Variants in CDYL2 observed in about 807,000 individuals in gnomAD.
CDYL2 encodes chromodomain Y like 2.
CDYL2 carries 23 observed loss-of-function variants against 49.4 expected under a neutral mutation model. The ratio of observed to expected loss-of-function variants is 0.47; its 90% confidence interval spans 0.34 to 0.66. The LOEUF (loss-of-function observed/expected upper bound fraction) is 0.66. Ranked by LOEUF, CDYL2 falls within the 30% of genes least tolerant of loss-of-function variation. The pLI, the probability that CDYL2 is intolerant of heterozygous loss-of-function variation, is 0.01. For missense variants in CDYL2, 678 were observed against 656.4 expected (o/e 1.03, Z -0.36); for synonymous variants, 360 against 268.8 (o/e 1.34, Z -3.32).
At chr16:80,631,319 T>A (rs1296446572) in intron 3 of CDYL2, among the ~76,000 whole-genome samples, 1 of 152,190 alleles carries the variant, frequency 6.6e-6, no homozygotes, top group Non-Finnish European at 1.5e-5. Flanking sequence ...GTTATCGCCA[T>A]TTACCACTCT....
chr16:80,679,600 A>C (rs1909893918), intron 2 of CDYL2: 1 of 421,028 alleles, frequency 2.4e-6, no homozygotes, highest in Non-Finnish European at 4.8e-6. Context: ...CCAAGGCCTC[A>C]TCTCAGGGAA....
chr16:80,781,865 T>C (rs1453162211), intron 1 of CDYL2, among the ~76,000 whole-genome samples: 1 of 151,654 alleles, frequency 6.6e-6, no homozygotes, highest in African/African-American at 2.4e-5. Context: ...AAACAAAACA[T>C]ACTAATACTG....
At chr16:80,749,724 AT>A (rs199527546) in intron 1 of CDYL2, among the ~76,000 whole-genome samples, 5 of 152,096 alleles carry the variant, frequency 3.3e-5, no homozygotes, top group East Asian at 1.9e-4. Context: ...TTATATGAAA[AT>A]TTTTTTAAAA....
chr16:80,637,232 AAAAG>A (rs1907875243), intron 2 of CDYL2, among the ~76,000 whole-genome samples: 1 of 152,190 alleles, frequency 6.6e-6, no homozygotes, highest in African/African-American at 2.4e-5. Context: ...ACTTAAAAAA[AAAAG>A]GGGGAAACGA....
chr16:80,784,716 A>G (rs1186654800), intron 1 of CDYL2, among the ~76,000 whole-genome samples: 1 of 152,224 alleles, frequency 6.6e-6, no homozygotes, highest in Non-Finnish European at 1.5e-5. Context: ...AGCAGTGACC[A>G]AGACAGATGT....
At chr16:80,717,763 ATGATTAACTAAT>A (rs1384108402) in intron 1 of CDYL2, among the ~76,000 whole-genome samples, 8 of 152,246 alleles carry the variant, frequency 5.3e-5, no homozygotes, top group African/African-American at 1.9e-4. Flanking sequence ...ATTAAAATAA[ATGATTAACTAAT>A]TGCATGTGTG....
At chr16:80,679,822 C>G (rs138692301) in intron 2 of CDYL2, 1 of 455,424 alleles carries the variant, frequency 2.2e-6, no homozygotes, top group Non-Finnish European at 4.4e-6. Flanking sequence ...ACTGGGCTCA[C>G]TGGACCAATA....
At chr16:80,704,161 G>A (rs549118729) in intron 1 of CDYL2, among the ~76,000 whole-genome samples, 103 of 152,122 alleles carry the variant, frequency 6.8e-4, no homozygotes, top group Middle Eastern at 3.4e-3. Flanking sequence ...CTTTCCTTTC[G>A]CACCCTCATC....
chr16:80,726,286 G>C (rs2142532569), intron 1 of CDYL2, among the ~76,000 whole-genome samples: 1 of 152,294 alleles, frequency 6.6e-6, no homozygotes. Context: ...CCAGTAAGAA[G>C]CATTTGTTTT....
At chr16:80,753,136 A>G (rs1447107504) in intron 1 of CDYL2, among the ~76,000 whole-genome samples, 1 of 152,188 alleles carries the variant, frequency 6.6e-6, no homozygotes, top group Non-Finnish European at 1.5e-5. Flanking sequence ...TAAAATTGTA[A>G]TTTACACTTT....
intron 1 of CDYL2, among the ~76,000 whole-genome samples, chr16:80,761,813 A>G (rs1330601508): frequency 1.3e-5 from 2 of 152,078 alleles, no homozygotes; most frequent in Non-Finnish European, 2.9e-5. Context: ...TGGATATTTG[A>G]AAGTTACTTA....
chr16:80,630,861 C>T (rs1267768860), intron 3 of CDYL2, among the ~76,000 whole-genome samples: 1 of 152,132 alleles, frequency 6.6e-6, no homozygotes, highest in Non-Finnish European at 1.5e-5. Context: ...CCCTCCCCAC[C>T]CCACTTCCTA....
intron 4 of CDYL2, among the ~76,000 whole-genome samples, chr16:80,613,068 C>T (rs1906673866): frequency 6.6e-6 from 1 of 152,044 alleles, no homozygotes; most frequent in Admixed American, 6.5e-5. Flanking sequence ...AGTTCATGCC[C>T]CATGTCCTAG....
intron 2 of CDYL2, among the ~76,000 whole-genome samples, chr16:80,649,855 T>C (rs890864690): frequency 6.6e-6 from 1 of 152,002 alleles, no homozygotes; most frequent in African/African-American, 2.4e-5. Context: ...GTCAAGAACA[T>C]ACACTGGGGA....
Position 80,682,525 on chromosome 16 carries a change from C to T in CDYL2, c.616+2013G>A, listed in dbSNP as rs142136467. On this transcript the variant is annotated intron_variant, in intron 2 of 6. Transcript: ENST00000570137. ...TTGCACAGCACAAGAGGCACACCCTCATGTAGACCCCTCTATGAGTCTGGC... is the reference window on the plus strand; with the variant it reads ...TTGCACAGCACAAGAGGCACACCCTTATGTAGACCCCTCTATGAGTCTGGC... 2.3e-3 allele frequency among the ~76,000 whole-genome samples: 343 copies of T among 152,332 alleles called. 2 individuals carry two copies. The highest frequency in any genetic ancestry group is 7.9e-3 in the African/African-American group (327 of 41,568).
chr16:80,713,384 C>A lies in CDYL2; in HGVS notation c.25-28255G>T, dbSNP rs991009756. On this transcript the variant is annotated intron_variant, in intron 1 of 6. Transcript: ENST00000570137. ...CATTTGTAGACACACCTCCAGAAGA[C>A]TGGTAGCATTTTTTAGTTAAATCAA... is the stretch of plus-strand genomic sequence containing the variant. Among the ~76,000 whole-genome samples the A allele has an allele frequency of 1.9e-4, 29 of 152,314 alleles. No homozygotes were observed. The East Asian group carries it at 5.2e-3, about 27-fold the overall frequency.
At chr16:80,646,684 G>C (rs1908360733) in intron 2 of CDYL2, among the ~76,000 whole-genome samples, 1 of 152,116 alleles carries the variant, frequency 6.6e-6, no homozygotes, top group South Asian at 2.1e-4. Flanking sequence ...AGGTACTCAG[G>C]AGGCTGAGGC....
intron 3 of CDYL2, chr16:80,632,766 C>T (rs9921238): frequency 0.032 from 14,087 of 443,984 alleles, 1,356 homozygotes; most frequent in African/African-American, 0.23. Flanking sequence ...TCTGTGTCCA[C>T]GATCAGTTCA....
chr16:80,757,498 T>C (rs1029577875), intron 1 of CDYL2, among the ~76,000 whole-genome samples: 3 of 149,410 alleles, frequency 2.0e-5, no homozygotes, highest in Non-Finnish European at 4.4e-5. Flanking sequence ...TTGATCATTC[T>C]ACTGCATTCC....
Sources: allele counts gnomAD v4.1 joint callset (sites outside exome capture counted in the v4.1 genomes callset), GRCh38; gene constraint gnomAD v4.1.1; transcripts MANE v1.5; gene names NCBI Gene and HGNC (gene_info 2026-07-23, HGNC 2026-07-21).